Variants in IER2 observed in about 807,000 individuals in gnomAD.
IER2 encodes immediate early response 2, also known as immediate early response gene 2 protein.
For synonymous variants in IER2, 198 were observed against 149.6 expected (o/e 1.32, Z -2.36); for missense variants, 372 against 325.4 (o/e 1.14, Z -1.10).
At position 13,153,966 on chromosome 19, in the gene IER2, G is replaced by A. The variant is rs2020099567; in HGVS notation, c.*108G>A. 1.9e-6 allele frequency: 2 copies of A among 1,030,112 alleles called. No homozygotes were observed. Among genetic ancestry groups the A allele is most frequent in the Non-Finnish European group, 2.7e-6 (2 of 751,070 alleles). 63.8% of individuals were successfully genotyped at this position (1,030,112 alleles called of 1,614,324 possible). A position where few individuals can be genotyped will look rare whatever the true frequency, so the allele number is the denominator to read the frequency against. ...CCTCCATCCTGGGGGAAGCGCCCGC[G>A]AAAACCGTGGAGAGAAGCCGCCGCC... On this transcript the variant is annotated 3_prime_UTR_variant, in exon 2 of 2. Transcript: ENST00000292433.
rs2145647670 is a variant in IER2 at position 13,152,964 on chromosome 19, T to C, written c.-223T>C. The C allele has an allele frequency of 2.5e-6, 1 of 396,396 alleles. No individual in the cohort carries two copies. Among genetic ancestry groups the C allele is most frequent in the Non-Finnish European group, 4.5e-6 (1 of 223,384 alleles). The allele number at this position is 396,396 out of a possible 1,614,324, so 24.6% of individuals were successfully genotyped here. A position where few individuals can be genotyped will look rare whatever the true frequency, so the allele number is the denominator to read the frequency against. ...TTAAGGAGTGTTTGGCCGCGACGAGTTGGAAAGCCCGGATGCGTCCTTCGG... is the reference window on the plus strand; with the variant it reads ...TTAAGGAGTGTTTGGCCGCGACGAGCTGGAAAGCCCGGATGCGTCCTTCGG... On this transcript the variant is annotated 5_prime_UTR_variant, in exon 2 of 2. Coordinates refer to ENST00000292433, the MANE Select transcript of IER2 (RefSeq NM_004907.3).
chr19:13,152,979 G>A lies in IER2; in HGVS notation c.-208G>A. 2.4e-6 allele frequency: 1 copy of A among 416,640 alleles called. No individual in the cohort carries two copies. Among genetic ancestry groups the A allele is most frequent in the East Asian group, 3.6e-5 (1 of 27,416 alleles). 25.8% of individuals were successfully genotyped at this position (416,640 alleles called of 1,614,324 possible). A position where few individuals can be genotyped will look rare whatever the true frequency, so the allele number is the denominator to read the frequency against. On this transcript the variant is annotated 5_prime_UTR_variant, in exon 2 of 2. The change abolishes an upstream ATG in the 5' untranslated region. Transcript: ENST00000292433. Reference sequence around the variant, plus strand: ...CCGCGACGAGTTGGAAAGCCCGGATGCGTCCTTCGGTTGGGCGGGGTGTCT... The same window carrying A: ...CCGCGACGAGTTGGAAAGCCCGGATACGTCCTTCGGTTGGGCGGGGTGTCT...
At position 13,153,434 on chromosome 19, in the gene IER2, C is replaced by A; in HGVS notation, c.248C>A (p.Thr83Lys). ...PPREAESTAE[T>K]ATPDGEHPFP... ...CGAGAAGCCGAGTCCACGGCCGAGACAGCGACCCCCGACGGTGAGCACCCG... is the reference window on the plus strand; with the variant it reads ...CGAGAAGCCGAGTCCACGGCCGAGAAAGCGACCCCCGACGGTGAGCACCCG... Residue 83 changes from threonine to lysine, a missense_variant, in exon 2 of 2, where the codon ACA (threonine) becomes AAA (lysine). Thr to Lys is a moderately conservative substitution (Grantham distance 78). Coordinates refer to ENST00000292433, the MANE Select transcript of IER2 (RefSeq NM_004907.3). 6.3e-7 allele frequency: 1 copy of A among 1,593,724 alleles called. No homozygotes were observed. Among genetic ancestry groups the A allele is most frequent in the Non-Finnish European group, 8.5e-7 (1 of 1,172,488 alleles).
Position 13,153,853 on chromosome 19 carries a change from T to G in IER2, c.667T>G (p.Phe223Val), listed in dbSNP as rs2020098389. ...CGTGCTCGTGCGGGCCGTGGTGGCC[T>G]TCTGAGGACCCCGAGCGGCGCTGCC... ...LNVLVRAVVA[F>V] Residue 223 changes from phenylalanine (F) to valine (V), a missense_variant, in exon 2 of 2, where the codon TTC becomes GTC. Coordinates refer to ENST00000292433, the MANE Select transcript of IER2 (RefSeq NM_004907.3). The G allele has an allele frequency of 7.0e-7, 1 of 1,422,468 alleles. No individual in the cohort carries two copies. The highest frequency in any genetic ancestry group is 9.1e-7 in the Non-Finnish European group (1 of 1,096,034). The allele number at this position is 1,422,468 out of a possible 1,614,324, so 88.1% of individuals were successfully genotyped here.
At position 13,153,902 on chromosome 19, in the gene IER2, C is replaced by A; in HGVS notation, c.*44C>A. ...CCGGAGCCCAGAGCGCGCGTCGAACCGTCGGCCCGAGGGCGCAGACCTGAG... is the reference window on the plus strand; with the variant it reads ...CCGGAGCCCAGAGCGCGCGTCGAACAGTCGGCCCGAGGGCGCAGACCTGAG... On this transcript the variant is annotated 3_prime_UTR_variant, in exon 2 of 2. Coordinates refer to ENST00000292433, the MANE Select transcript of IER2 (RefSeq NM_004907.3). 1 of 1,390,168 alleles carries A rather than the reference C, an allele frequency of 7.2e-7. No homozygotes were observed. The highest frequency in any genetic ancestry group is 9.3e-7 in the Non-Finnish European group (1 of 1,072,004). The allele number at this position is 1,390,168 out of a possible 1,614,324, so 86.1% of individuals were successfully genotyped here. A position where few individuals can be genotyped will look rare whatever the true frequency, so the allele number is the denominator to read the frequency against.
rs936438928 is a variant in IER2 at position 13,153,047 on chromosome 19, G to T, written c.-140G>T. 5.5e-6 allele frequency: 3 copies of T among 545,420 alleles called. No individual in the cohort carries two copies. Among genetic ancestry groups the T allele is most frequent in the African/African-American group, 2.0e-5 (1 of 50,054 alleles). The allele number at this position is 545,420 out of a possible 1,614,324, so 33.8% of individuals were successfully genotyped here. A position where few individuals can be genotyped will look rare whatever the true frequency, so the allele number is the denominator to read the frequency against. On this transcript the variant is annotated 5_prime_UTR_variant, in exon 2 of 2. Transcript: ENST00000292433. ...GTATAAAAGGGCCTGGGTGGCGGGC[G>T]CCTGGGCAGAGCGTCCTAGCAGTGT...
In IER2 at chr19:13,153,309, C is replaced by T. The variant is rs1459255145; in HGVS notation, c.123C>T (p.Arg41=). The change falls in exon 2 of 2, where the codon CGC becomes CGT. Residue 41 remains arginine (R), a synonymous_variant. Coordinates refer to ENST00000292433, the MANE Select transcript of IER2 (RefSeq NM_004907.3). ...HRSLQLSLVM[R]SARELYLSAK... ...GTCTGCAGCTGTCGCTGGTCATGCGCAGCGCCCGGGAGCTCTACCTCTCGG... is the reference window on the plus strand; with the variant it reads ...GTCTGCAGCTGTCGCTGGTCATGCGTAGCGCCCGGGAGCTCTACCTCTCGG... 5.0e-6 allele frequency: 8 copies of T among 1,603,874 alleles called. No homozygotes were observed. The highest frequency in any genetic ancestry group is 6.8e-6 in the Non-Finnish European group (8 of 1,175,766).
rs2145649443 is a variant in IER2 at position 13,154,727 on chromosome 19, GGCTGA to G, written c.*876_*880del. 1 of 167,238 alleles carries G rather than the reference GGCTGA, an allele frequency of 6.0e-6. No individual in the cohort carries two copies. Among genetic ancestry groups the G allele is most frequent in the South Asian group, 2.1e-4 (1 of 4,860 alleles). The allele number at this position is 167,238 out of a possible 1,614,324, so 10.4% of individuals were successfully genotyped here. ...GGGGGGTGTCAGTGGAAAGGCATAA[GGCTGA>G]GCTGAGACCAGTTGCTGGTGAAACT... On this transcript the variant is annotated 3_prime_UTR_variant, in exon 2 of 2. Coordinates refer to ENST00000292433, the MANE Select transcript of IER2 (RefSeq NM_004907.3).
At chr19:13,152,654 AT>A (rs1426194279) in intron 1 of IER2, 1 of 152,416 alleles carries the variant, frequency 6.6e-6, no homozygotes, top group Non-Finnish European at 1.5e-5. Context: ...CACCTGGTAA[AT>A]GCTAAGAACA....
Position 13,152,985 on chromosome 19 carries a change from T to C in IER2, c.-202T>C, listed in dbSNP as rs1006085231. 3 of 418,576 alleles carry C rather than the reference T, an allele frequency of 7.2e-6. No homozygotes were observed. Among genetic ancestry groups the C allele is most frequent in the Non-Finnish European group, 1.3e-5 (3 of 237,162 alleles). 25.9% of individuals were successfully genotyped at this position (418,576 alleles called of 1,614,324 possible). A position where few individuals can be genotyped will look rare whatever the true frequency, so the allele number is the denominator to read the frequency against. On this transcript the variant is annotated 5_prime_UTR_variant, in exon 2 of 2. Coordinates refer to ENST00000292433, the MANE Select transcript of IER2 (RefSeq NM_004907.3). ...CGAGTTGGAAAGCCCGGATGCGTCC[T>C]TCGGTTGGGCGGGGTGTCTCAGTGA...
At position 13,153,095 on chromosome 19, in the gene IER2, A is replaced by C; in HGVS notation, c.-92A>C. 5 of 974,974 alleles carry C rather than the reference A, an allele frequency of 5.1e-6. No homozygotes were observed. The highest frequency in any genetic ancestry group is 2.2e-4 in the Middle Eastern group (1 of 4,556). The allele number at this position is 974,974 out of a possible 1,614,324, so 60.4% of individuals were successfully genotyped here. On this transcript the variant is annotated 5_prime_UTR_variant, in exon 2 of 2. Transcript: ENST00000292433. ...TGTCACTGCGTGGGTTGGTTTGTGTAGAGAGGCGTGAGCGAGCCCGTTGTC... is the reference window on the plus strand; with the variant it reads ...TGTCACTGCGTGGGTTGGTTTGTGTCGAGAGGCGTGAGCGAGCCCGTTGTC...
Position 13,153,728 on chromosome 19 carries a change from G to A in IER2, c.542G>A (p.Arg181His), listed in dbSNP as rs777355469. The change falls in exon 2 of 2, where the codon CGC becomes CAC. Residue 181 changes from arginine (R) to histidine (H), a missense_variant. Physicochemically the swap from Arg to His is conservative, Grantham distance 29. Transcript: ENST00000292433. ...FPNLARVLQR[R>H]FSGLLNCSPA... ...AACCTGGCCCGCGTCCTGCAGAGGC[G>A]CTTCTCCGGCCTCCTGAACTGCAGC... 3.7e-6 allele frequency: 6 copies of A among 1,606,534 alleles called. No individual in the cohort carries two copies. The highest frequency in any genetic ancestry group is 3.4e-6 in the Non-Finnish European group (4 of 1,178,870).
At position 13,153,532 on chromosome 19, in the gene IER2, G is replaced by A. The variant is rs866487284; in HGVS notation, c.346G>A (p.Ala116Thr). ...ETSACCAPRP[A>T]KVSRKRRSSS... ...CTCCGCCTGCTGTGCCCCGCGCCCCGCCAAAGTCAGCCGCAAACGACGCAG... is the reference window on the plus strand; with the variant it reads ...CTCCGCCTGCTGTGCCCCGCGCCCCACCAAAGTCAGCCGCAAACGACGCAG... The change falls in exon 2 of 2, where the codon GCC becomes ACC. Residue 116 changes from alanine (A) to threonine (T), a missense_variant. Physicochemically the swap from Ala to Thr is moderately conservative, Grantham distance 58. Transcript: ENST00000292433. 1 of 1,584,836 alleles carries A rather than the reference G, an allele frequency of 6.3e-7. No individual in the cohort carries two copies.
In IER2 at chr19:13,153,766, C is replaced by T. The variant is rs1229837474; in HGVS notation, c.580C>T (p.Pro194Ser). The T allele has an allele frequency of 6.4e-7, 1 of 1,561,460 alleles. No homozygotes were observed. The highest frequency in any genetic ancestry group is 1.4e-5 in the African/African-American group (1 of 72,242). ...GLLNCSPAAP[P>S]TAPPACEAKP... ...CCTGAACTGCAGCCCCGCGGCCCCT[C>T]CGACGGCGCCGCCCGCGTGCGAGGC... Residue 194 changes from proline to serine, a missense_variant, in exon 2 of 2, where the codon CCG (proline) becomes TCG (serine). Physicochemically the swap from Pro to Ser is moderately conservative, Grantham distance 74 (BLOSUM62 -1). Coordinates refer to ENST00000292433, the MANE Select transcript of IER2 (RefSeq NM_004907.3).
chr19:13,154,277 T>G lies in IER2; in HGVS notation c.*419T>G, dbSNP rs1006816106. The G allele has an allele frequency of 5.5e-6, 1 of 181,888 alleles. No homozygotes were observed. Among genetic ancestry groups the G allele is most frequent in the Non-Finnish European group, 1.3e-5 (1 of 78,428 alleles). The allele number at this position is 181,888 out of a possible 1,614,324, so 11.3% of individuals were successfully genotyped here. A position where few individuals can be genotyped will look rare whatever the true frequency, so the allele number is the denominator to read the frequency against. On this transcript the variant is annotated 3_prime_UTR_variant, in exon 2 of 2. Transcript: ENST00000292433. ...TGTACTGTGGGCTGTGCTGGCCCTT[T>G]CAAGGTTTTTCAAGAGTTGGTTTTG...
chr19:13,150,564 T>G lies in IER2; in HGVS notation c.-244+12T>G. ...CAGGCACGGGCAATGTAAATAATGATAGCCTCCCTCATCTCTGGCGGCTGG... is the reference window on the plus strand; with the variant it reads ...CAGGCACGGGCAATGTAAATAATGAGAGCCTCCCTCATCTCTGGCGGCTGG... On this transcript the variant is annotated intron_variant, in intron 1 of 1. Transcript: ENST00000292433. This position sits in a 1 kb window ranked among gnomAD's most constrained non-coding sequence, Gnocchi z 4.0. The G allele has an allele frequency of 5.1e-6, 1 of 195,642 alleles. No individual in the cohort carries two copies. The highest frequency in any genetic ancestry group is 1.1e-5 in the Non-Finnish European group (1 of 95,058). The allele number at this position is 195,642 out of a possible 1,614,324, so 12.1% of individuals were successfully genotyped here.
At position 13,153,213 on chromosome 19, in the gene IER2, C is replaced by T; in HGVS notation, c.27C>T (p.Arg9=). 6.5e-7 allele frequency: 1 copy of T among 1,527,376 alleles called. No individual in the cohort carries two copies. Among genetic ancestry groups the T allele is most frequent in the Non-Finnish European group, 8.8e-7 (1 of 1,137,470 alleles). The allele number at this position is 1,527,376 out of a possible 1,614,324, so 94.6% of individuals were successfully genotyped here. The change falls in exon 2 of 2, where the codon CGC becomes CGT. Residue 9 remains arginine, a synonymous_variant. Transcript: ENST00000292433. The part of the protein sequence containing the change: MEVQKEAQ[R]IMTLSVWKMY... ...TGGAAGTGCAGAAAGAGGCACAGCG[C>T]ATCATGACCCTGTCGGTGTGGAAGA...
In IER2 at chr19:13,153,445, G is replaced by A. The variant is rs1391684037; in HGVS notation, c.259G>A (p.Asp87Asn). The change falls in exon 2 of 2, where the codon GAC (aspartate) becomes AAC (asparagine). Residue 87 changes from aspartate (D) to asparagine (N), a missense_variant. Transcript: ENST00000292433. ...GTCCACGGCCGAGACAGCGACCCCC[G>A]ACGGTGAGCACCCGTTTCCGGAGCC... is the stretch of plus-strand genomic sequence containing the variant. The part of the protein sequence containing the change: ...AESTAETATP[D>N]GEHPFPEPMD... 6 of 1,595,188 alleles carry A rather than the reference G, an allele frequency of 3.8e-6. No homozygotes were observed. The highest frequency in any genetic ancestry group is 2.3e-5 in the East Asian group (1 of 43,922).
In IER2 at chr19:13,150,446, G is replaced by T. The variant is rs1371001986; in HGVS notation, c.-350G>T. On this transcript the variant is annotated 5_prime_UTR_variant, in exon 1 of 2. Coordinates refer to ENST00000292433, the MANE Select transcript of IER2 (RefSeq NM_004907.3). The surrounding 1 kb of genome is among the most constrained non-coding windows in gnomAD (Gnocchi z 4.0). ...TGCCGCACCGTAGGGGGCGGTGTCG[G>T]AGTTCTGTCTGGGCCTATTCGGGTC... is the stretch of plus-strand genomic sequence containing the variant. The T allele has an allele frequency of 2.2e-6, 1 of 447,332 alleles. No homozygotes were observed. Among genetic ancestry groups the T allele is most frequent in the Non-Finnish European group, 4.0e-6 (1 of 250,788 alleles). 27.7% of individuals were successfully genotyped at this position (447,332 alleles called of 1,614,324 possible).
Sources: gnomAD v4.1 joint callset for allele counts on GRCh38, gnomAD v4.1.1 for gene constraint, Gnocchi (gnomAD v3.1) non-coding constraint, MANE v1.5 for transcripts, NCBI Gene and HGNC (gene_info 2026-07-23, HGNC 2026-07-21) for gene names.